CASP9: variants seen among roughly 807,000 people sequenced by gnomAD.
CASP9 encodes the protein caspase 9, also known as caspase-9.
In CASP9, 29 loss-of-function variants were observed where a neutral mutation model predicts 43.5. The ratio of observed to expected loss-of-function variants is 0.67; its 90% CI spans 0.50 to 0.91. The LOEUF is 0.91. Ranked by LOEUF, CASP9 falls within the 40% of genes least tolerant of loss-of-function variation. The probability of loss-of-function intolerance (pLI) is 0.00; values close to 1 mark genes in which losing one functional copy is unlikely to be tolerated. For missense variants in CASP9, 575 were observed against 537.4 expected, an observed-to-expected ratio of 1.07 and a Z score of -0.69; for synonymous variants, 206 against 211.9, an observed-to-expected ratio of 0.97 and a Z score of 0.24.
At position 15,493,982 on chromosome 1, in the gene CASP9, G is replaced by T; in HGVS notation, c.1068C>A (p.Asp356Glu). Residue 356 changes from aspartate to glutamate, a missense_variant, in exon 8 of 9, where the codon GAC becomes GAA. Coordinates refer to ENST00000333868, the MANE Select transcript of CASP9 (RefSeq NM_001229.5). Reference sequence around the variant, plus strand: ...CAACGTACCAGGAGCCACTCTTGGGGTCCCTCCAGGAAACAAAACCTTTGG... The same window carrying T: ...CAACGTACCAGGAGCCACTCTTGGGTTCCCTCCAGGAAACAAAACCTTTGG... ...STFPGFVSWR[D>E]PKSGSWYVET... is the part of the protein sequence containing the mutation. 6.3e-7 allele frequency: 1 copy of T among 1,596,792 alleles called. No homozygotes were observed. Among genetic ancestry groups the T allele is most frequent in the Non-Finnish European group, 8.5e-7 (1 of 1,171,374 alleles).
At chr1:15,502,884 GT>G (rs1709378761) in intron 6 of CASP9, among the ~76,000 whole-genome samples, 1 of 152,222 alleles carries the variant, frequency 6.6e-6, no homozygotes, top group Non-Finnish European at 1.5e-5. Flanking sequence ...AAGACAGGAG[GT>G]GAGGCAGAGC....
chr1:15,515,146 T>C (rs965328426), intron 2 of CASP9, among the ~76,000 whole-genome samples: 12 of 152,174 alleles, frequency 7.9e-5, no homozygotes, highest in Admixed American at 7.9e-4. Context: ...AACAGGAAGT[T>C]TCAAATTCTG....
chr1:15,518,704 C>T (rs1329955746), intron 1 of CASP9, among the ~76,000 whole-genome samples: 1 of 152,108 alleles, frequency 6.6e-6, no homozygotes, highest in Non-Finnish European at 1.5e-5. Context: ...AGACAAGTGC[C>T]CAGAGGGAAG....
rs757925102 is a variant in CASP9, at chr1:15,524,098, A to G, written c.103T>C (p.Phe35Leu). ...LWDALLSREL[F>L]RPHMIEDIQR... ...ATGTCCTCGATCATATGGGGCCTGA[A>G]CAGCTCGCGGCTCAGCAGGGCGTCC... Residue 35 changes from phenylalanine (F) to leucine (L), a missense_variant, in exon 1 of 9, where the codon TTC (phenylalanine) becomes CTC (leucine). Transcript: ENST00000333868. 165 of 1,539,810 alleles carry G rather than the reference A, an allele frequency of 1.1e-4. 1 individual carries two copies. The highest frequency in any genetic ancestry group is 1.0e-3 in the South Asian group (87 of 83,898).
intron 6 of CASP9, among the ~76,000 whole-genome samples, chr1:15,497,351 A>G (rs1709142115): frequency 6.6e-6 from 1 of 151,058 alleles, no homozygotes; most frequent in Non-Finnish European, 1.5e-5. Context: ...AAAGAAAAAT[A>G]AAGAAGACAT....
chr1:15,524,238 C>T (rs905444143), upstream of CASP9: 4 of 1,526,748 alleles, frequency 2.6e-6, no homozygotes, highest in South Asian at 2.4e-5. Flanking sequence ...CGCCTCAGTC[C>T]GCTTCCGGGC....
intron 3 of CASP9, chr1:15,507,651 CCCTGCTTCTGCTGT>C: frequency 1.7e-6 from 1 of 575,396 alleles, no homozygotes; most frequent in Non-Finnish European, 3.1e-6. Flanking sequence ...ATCAGGTCTG[CCCTGCTTCTGCTGT>C]CAGCTTTGCA....
In CASP9 at chr1:15,495,452, T is replaced by G. The variant is rs1286838324; in HGVS notation, c.869A>C (p.Glu290Ala). 14 of 1,576,718 alleles carry G rather than the reference T, an allele frequency of 8.9e-6. No individual in the cohort carries two copies. The highest frequency in any genetic ancestry group is 1.2e-5 in the Non-Finnish European group (14 of 1,163,440). ...KLFFIQACGG[E>A]QKDHGFEVAS... The stretch of plus-strand genomic sequence containing the variant: ...CACCTCAAACCCATGGTCTTTCTGC[T>G]CTGCAGGAAGCAGAAACAAACACCT... The change falls in exon 7 of 9, where the codon GAG (glutamate) becomes GCG (alanine). Residue 290 changes from glutamate (E) to alanine (A), a missense_variant and splice_region_variant. By Grantham distance (107) the Glu-to-Ala change is moderately radical. Coordinates refer to ENST00000333868, the MANE Select transcript of CASP9 (RefSeq NM_001229.5).
rs1028164101 is a variant in CASP9 at position 15,492,774 on chromosome 1, G to T, written c.*169C>A. ...CTTCCTCCACTGTTCAGCACTTGTC[G>T]TCAATCTGGAAGCTGCTAAGAGCCT... is the stretch of plus-strand genomic sequence containing the variant. On this transcript the variant is annotated 3_prime_UTR_variant, in exon 9 of 9. Coordinates refer to ENST00000333868, the MANE Select transcript of CASP9 (RefSeq NM_001229.5). The T allele has an allele frequency of 1.1e-6, 1 of 913,490 alleles. No homozygotes were observed. The highest frequency in any genetic ancestry group is 1.6e-6 in the Non-Finnish European group (1 of 608,266). 56.6% of individuals were successfully genotyped at this position (913,490 alleles called of 1,614,324 possible).
At chr1:15,512,895 C>T (rs1709812577) in intron 2 of CASP9, among the ~76,000 whole-genome samples, 1 of 152,134 alleles carries the variant, frequency 6.6e-6, no homozygotes, top group East Asian at 1.9e-4. Context: ...CAGTGGCTCA[C>T]GCCTGTAATC....
intron 2 of CASP9, among the ~76,000 whole-genome samples, chr1:15,508,146 G>A (rs1291770650): frequency 2.0e-5 from 3 of 152,152 alleles, no homozygotes; most frequent in Non-Finnish European, 2.9e-5. Flanking sequence ...GAGTGCAAAC[G>A]GGCACAAAAG....
At chr1:15,506,834 C>A in intron 4 of CASP9, 65 bp downstream of exon 4, 1 of 1,415,918 alleles carries the variant, frequency 7.1e-7, no homozygotes, top group South Asian at 1.2e-5. Flanking sequence ...TTTTGGAGTC[C>A]CTCAAAAGAT....
Position 15,524,154 on chromosome 1 carries a change from A to C in CASP9, c.47T>G (p.Leu16Arg). The C allele has an allele frequency of 1.9e-6, 3 of 1,539,776 alleles. No individual in the cohort carries two copies. Among genetic ancestry groups the C allele is most frequent in the Non-Finnish European group, 2.6e-6 (3 of 1,147,032 alleles). Reference sequence around the variant, plus strand: ...CTGGTCCACCTGCAGCTCTTCCACCAGCCGCAGCCGGCACCGCCGCAGGAG... The same window carrying C: ...CTGGTCCACCTGCAGCTCTTCCACCCGCCGCAGCCGGCACCGCCGCAGGAG... ...RRLLRRCRLR[L>R]VEELQVDQLW... The change falls in exon 1 of 9, where the codon CTG becomes CGG. Residue 16 changes from leucine (L) to arginine (R), a missense_variant. Transcript: ENST00000333868.
intron 2 of CASP9, among the ~76,000 whole-genome samples, chr1:15,517,613 C>G (rs1710000741): frequency 6.6e-6 from 1 of 152,122 alleles, no homozygotes; most frequent in African/African-American, 2.4e-5. Flanking sequence ...CCGTGAGCTT[C>G]AGTCAGTTTC....
chr1:15,518,237 C>G lies in CASP9; in HGVS notation c.291G>C (p.Lys97Asn). 1 of 1,614,248 alleles carries G rather than the reference C, an allele frequency of 6.2e-7. No individual in the cohort carries two copies. Among genetic ancestry groups the G allele is most frequent in the East Asian group, 2.2e-5 (1 of 44,894 alleles). ...GGTTTTCTAGGGTTGGCTTCGACAACTTTGCTGCTTGCCTGTTAGTTCGCA... is the reference window on the plus strand; with the variant it reads ...GGTTTTCTAGGGTTGGCTTCGACAAGTTTGCTGCTTGCCTGTTAGTTCGCA... ...SFLRTNRQAA[K>N]LSKPTLENLT... Residue 97 changes from lysine to asparagine, a missense_variant, in exon 2 of 9, where the codon AAG (lysine) becomes AAC (asparagine). Lys to Asn is a moderately conservative substitution (Grantham distance 94, BLOSUM62 0). Coordinates refer to ENST00000333868, the MANE Select transcript of CASP9 (RefSeq NM_001229.5).
intron 1 of CASP9, among the ~76,000 whole-genome samples, chr1:15,520,706 C>A (rs1295401558): frequency 6.6e-6 from 1 of 152,246 alleles, no homozygotes; most frequent in Non-Finnish European, 1.5e-5. Flanking sequence ...GTAATCCCAG[C>A]ACTTTGGGAG....
At chr1:15,508,174 C>T (rs1176695527) in intron 2 of CASP9, among the ~76,000 whole-genome samples, 1 of 152,200 alleles carries the variant, frequency 6.6e-6, no homozygotes, top group Non-Finnish European at 1.5e-5. Context: ...CAAAATGTTC[C>T]CTGAGGCCTT....
At chr1:15,497,644 GAAAA>G (rs71306992) in intron 6 of CASP9, among the ~76,000 whole-genome samples, 1 of 113,090 alleles carries the variant, frequency 8.8e-6, no homozygotes. Context: ...TCTGTCTCAA[GAAAA>G]AAAAAAAAAA....
At chr1:15,524,286 C>T, upstream of CASP9, 2 of 1,476,570 alleles carry the variant, frequency 1.4e-6, no homozygotes, top group Non-Finnish European at 8.9e-7. Context: ...CCCGCCCCCG[C>T]CCCAGGGCCT....
Sources: allele counts gnomAD v4.1 joint callset (sites outside exome capture counted in the v4.1 genomes callset), GRCh38; gene constraint gnomAD v4.1.1; transcripts MANE v1.5; gene names NCBI Gene and HGNC (gene_info 2026-07-23, HGNC 2026-07-21).